The following CHRM3 variants were observed in gnomAD, a reference collection of about 807,000 sequenced individuals.
CHRM3 encodes cholinergic receptor muscarinic 3, also known as muscarinic acetylcholine receptor M3.
Under a neutral mutation model 41.8 loss-of-function variants are expected in CHRM3, and 11 were observed. That is an observed-to-expected ratio of 0.26 (90% CI 0.17 to 0.44). CHRM3 has a LOEUF of 0.44. Among genes scored for constraint, CHRM3 ranks in the 20% least tolerant of loss-of-function variants. CHRM3 has a pLI of 1.00. For synonymous variants in CHRM3, 297 were observed against 301.4 expected, an observed-to-expected ratio of 0.99 and a Z score of 0.15; for missense variants, 571 against 745.4, an observed-to-expected ratio of 0.77 and a Z score of 2.72.
chr1:239,461,872 C>G (rs759157215), intron 1 of CHRM3, among the ~76,000 whole-genome samples: 1 of 152,014 alleles, frequency 6.6e-6, no homozygotes, highest in African/African-American at 2.4e-5. Flanking sequence ...TTCATCATCT[C>G]CCTTCTGACT....
intron 6 of CHRM3, among the ~76,000 whole-genome samples, chr1:239,870,784 C>A (rs113387167): frequency 6.6e-6 from 1 of 152,212 alleles, no homozygotes; most frequent in African/African-American, 2.4e-5. Flanking sequence ...GCTTTTCAAA[C>A]ATTCTCACTG....
At chr1:239,715,491 A>C (rs1011649971) in intron 5 of CHRM3, among the ~76,000 whole-genome samples, 2 of 152,134 alleles carry the variant, frequency 1.3e-5, no homozygotes, top group Admixed American at 1.3e-4. Context: ...ATCATGGAAG[A>C]ATGCAGAAGG....
chr1:239,561,920 G>A (rs1316094584), intron 3 of CHRM3, among the ~76,000 whole-genome samples: 1 of 151,964 alleles, frequency 6.6e-6, no homozygotes, highest in Non-Finnish European at 1.5e-5. Context: ...AAAATTTTTA[G>A]GTTTTTGCCT....
chr1:239,622,041 A>G (rs984758528), intron 3 of CHRM3, among the ~76,000 whole-genome samples: 1 of 152,144 alleles, frequency 6.6e-6, no homozygotes, highest in East Asian at 1.9e-4. Flanking sequence ...GCCCTGAAGA[A>G]TTATGTTAAA....
intron 3 of CHRM3, among the ~76,000 whole-genome samples, chr1:239,570,876 C>A (rs1017033965): frequency 1.3e-5 from 2 of 152,068 alleles, no homozygotes; most frequent in African/African-American, 4.8e-5. Context: ...CCCCTCCCAT[C>A]TAGAAAATCA....
At chr1:239,631,894 C>A (rs1669877179) in intron 3 of CHRM3, among the ~76,000 whole-genome samples, 1 of 152,190 alleles carries the variant, frequency 6.6e-6, no homozygotes, top group African/African-American at 2.4e-5. Context: ...AAGAGATGAG[C>A]AACTTCTTTA....
intron 5 of CHRM3, among the ~76,000 whole-genome samples, chr1:239,741,916 TTGTC>T (rs1304771685): frequency 6.6e-6 from 1 of 152,294 alleles, no homozygotes; most frequent in African/African-American, 2.4e-5. Context: ...CCATCAAACA[TTGTC>T]TGCAAGAGGT....
At chr1:239,489,272 C>A (rs1424151832) in intron 1 of CHRM3, among the ~76,000 whole-genome samples, 1 of 152,046 alleles carries the variant, frequency 6.6e-6, no homozygotes, top group African/African-American at 2.4e-5. Context: ...ATTAGCCGGG[C>A]GTGGGGACAC....
intron 5 of CHRM3, among the ~76,000 whole-genome samples, chr1:239,820,570 G>A (rs965096063): frequency 2.0e-5 from 3 of 152,172 alleles, no homozygotes; most frequent in Admixed American, 6.5e-5. Flanking sequence ...CTATGCTTCG[G>A]GAGAGATGTT....
At chr1:239,787,441 G>A (rs1365496876) in intron 5 of CHRM3, among the ~76,000 whole-genome samples, 1 of 152,054 alleles carries the variant, frequency 6.6e-6, no homozygotes, top group Non-Finnish European at 1.5e-5. Flanking sequence ...AGCCAGCCTG[G>A]AGGGAAGAAG....
intron 5 of CHRM3, among the ~76,000 whole-genome samples, chr1:239,709,254 G>C (rs1661518478): frequency 6.6e-6 from 1 of 152,122 alleles, no homozygotes; most frequent in Non-Finnish European, 1.5e-5. Context: ...GCCACCCCAA[G>C]TCTTTGTTTT....
At chr1:239,471,551 G>A (rs1666123495) in intron 1 of CHRM3, among the ~76,000 whole-genome samples, 1 of 152,176 alleles carries the variant, frequency 6.6e-6, no homozygotes, top group Non-Finnish European at 1.5e-5. Flanking sequence ...CCTGAGGTCA[G>A]AGGCAGGATC....
chr1:239,770,345 T>A (rs114541940), intron 5 of CHRM3, among the ~76,000 whole-genome samples: 1,935 of 152,246 alleles, frequency 0.013, 37 homozygotes, highest in African/African-American at 0.044. Flanking sequence ...CAGTAATGCC[T>A]GTAGTATGGT....
chr1:239,435,395 G>T (rs1663166194), intron 1 of CHRM3, among the ~76,000 whole-genome samples: 1 of 151,224 alleles, frequency 6.6e-6, no homozygotes, highest in Non-Finnish European at 1.5e-5. Context: ...GTTGCAGTGA[G>T]CCGAGATTGC....
At chr1:239,602,309 G>A (rs1016391954) in intron 3 of CHRM3, among the ~76,000 whole-genome samples, 1 of 151,746 alleles carries the variant, frequency 6.6e-6, no homozygotes, top group Admixed American at 6.6e-5. Context: ...TTTAGGTATT[G>A]TTATAGATGA....
chr1:239,863,510 T>G (rs760772175), intron 6 of CHRM3, among the ~76,000 whole-genome samples: 1 of 152,124 alleles, frequency 6.6e-6, no homozygotes, highest in Non-Finnish European at 1.5e-5. Context: ...AGCCCCTCAA[T>G]GGTCATCCCA....
intron 5 of CHRM3, among the ~76,000 whole-genome samples, chr1:239,755,309 T>G (rs1036423605): frequency 3.3e-5 from 5 of 152,304 alleles, no homozygotes; most frequent in African/African-American, 1.2e-4. Context: ...GAGTTTCATT[T>G]AAATAACACA....
intron 3 of CHRM3, chr1:239,605,878 A>G (rs187663026): frequency 3.5e-4 from 53 of 152,350 alleles, no homozygotes; most frequent in African/African-American, 1.3e-3. Flanking sequence ...AATAAACATC[A>G]TTCAAAGTCA....
chr1:239,389,795 A>T (rs1227588916), intron 1 of CHRM3, among the ~76,000 whole-genome samples: 1 of 152,228 alleles, frequency 6.6e-6, no homozygotes, highest in Non-Finnish European at 1.5e-5. Context: ...CTTTGTTAAC[A>T]TTGGCAAGCT....
Sources: gnomAD v4.1 joint callset for allele counts (sites outside exome capture counted in the v4.1 genomes callset) on GRCh38, gnomAD v4.1.1 for gene constraint, MANE v1.5 for transcripts, NCBI Gene and HGNC (gene_info 2026-07-23, HGNC 2026-07-21) for gene names.